The following ARHGAP26 variants were observed in gnomAD, a reference collection of about 807,000 sequenced individuals.
The protein encoded by ARHGAP26 is rho GTPase-activating protein 26.
In ARHGAP26, 38 loss-of-function variants were observed where a neutral mutation model predicts 104.8. The ratio of observed to expected loss-of-function variants is 0.36; its 90% CI spans 0.28 to 0.48. The LOEUF (loss-of-function observed/expected upper bound fraction) is 0.48. Ranked by LOEUF, ARHGAP26 falls within the 20% of genes least tolerant of loss-of-function variation. ARHGAP26 has a pLI of 0.99. For missense variants in ARHGAP26, 704 were observed against 947.9 expected (o/e 0.74, Z 3.38); for synonymous variants, 341 against 340.0 (o/e 1.00, Z -0.03).
chr5:143,056,558 A>G (rs1785847341), intron 16 of ARHGAP26, among the ~76,000 whole-genome samples: 1 of 152,034 alleles, frequency 6.6e-6, no homozygotes. Flanking sequence ...TATGTCTTCC[A>G]TTTACAGCTT....
chr5:143,203,327 A>G (rs920928195), intron 20 of ARHGAP26: 1 of 152,254 alleles, frequency 6.6e-6, no homozygotes, highest in African/African-American at 2.4e-5. Context: ...AAAAACACTC[A>G]TCATCACTGG....
At chr5:143,135,097 C>T (rs1176726461) in intron 19 of ARHGAP26, among the ~76,000 whole-genome samples, 1 of 152,218 alleles carries the variant, frequency 6.6e-6, no homozygotes, top group East Asian at 1.9e-4. Flanking sequence ...GTCAGCATCA[C>T]AGCTGCTTCA....
chr5:142,989,038 G>A (rs1479511596), intron 11 of ARHGAP26, among the ~76,000 whole-genome samples: 1 of 152,082 alleles, frequency 6.6e-6, no homozygotes, highest in Non-Finnish European at 1.5e-5. Flanking sequence ...TCAATTCCTG[G>A]ATATCCTTTT....
chr5:142,985,368 G>GTTTATAAAGTCTACAGTA, intron 11 of ARHGAP26, among the ~76,000 whole-genome samples: 1 of 152,120 alleles, frequency 6.6e-6, no homozygotes, highest in East Asian at 1.9e-4. Context: ...AGTGTACAGT[G>GTTTATAAAGTCTACAGTA]TTTATAAAGT....
At chr5:143,201,326 C>T (rs991730822) in intron 20 of ARHGAP26, among the ~76,000 whole-genome samples, 1 of 152,172 alleles carries the variant, frequency 6.6e-6, no homozygotes, top group South Asian at 2.1e-4. Context: ...TGTAGGAATG[C>T]CTTTAGCAGT....
At chr5:143,090,825 A>T (rs1791310887) in intron 17 of ARHGAP26, among the ~76,000 whole-genome samples, 1 of 152,204 alleles carries the variant, frequency 6.6e-6, no homozygotes. Context: ...ATTGGGGAGC[A>T]AGACTCCTGG....
At chr5:142,845,203 ACT>A (rs1274102701) in intron 1 of ARHGAP26, among the ~76,000 whole-genome samples, 1 of 151,366 alleles carries the variant, frequency 6.6e-6, no homozygotes, top group African/African-American at 2.4e-5. Flanking sequence ...AGCAGCAAAG[ACT>A]CTGGGATTTT....
At chr5:142,891,895 C>T (rs955137266) in intron 5 of ARHGAP26, among the ~76,000 whole-genome samples, 7 of 151,906 alleles carry the variant, frequency 4.6e-5, no homozygotes, top group African/African-American at 1.5e-4. Flanking sequence ...AATGATTTGA[C>T]ACACATTATG....
chr5:143,057,681 G>A lies in ARHGAP26; in HGVS notation c.1472G>A (p.Ser491Asn). 6.2e-7 allele frequency: 1 copy of A among 1,613,956 alleles called. No individual in the cohort carries two copies. The highest frequency in any genetic ancestry group is 8.5e-7 in the Non-Finnish European group (1 of 1,179,886). Residue 491 changes from serine to asparagine, a missense_variant, in exon 17 of 23, where the codon AGC becomes AAC. Ser to Asn is a conservative substitution (Grantham distance 46, BLOSUM62 1). Transcript: ENST00000645722. ...GAGTCTCGGGTCTCTGAAATCCACA[G>A]CCTTGTTCATCGGCTCCCAGAGAAA... The part of the protein sequence containing the change: ...NQESRVSEIH[S>N]LVHRLPEKNR...
Position 143,139,611 on chromosome 5 carries a change from C to G in ARHGAP26, c.1837+5506C>G, listed in dbSNP as rs545327945. Among the ~76,000 whole-genome samples the G allele has an allele frequency of 5.9e-5, 9 of 152,274 alleles. No homozygotes were observed. The South Asian group carries it at 1.7e-3, about 28-fold the overall frequency. On this transcript the variant is annotated intron_variant, in intron 19 of 22. Transcript: ENST00000645722. ...AGGCTGCAGCCACGTGACAGTCTCCCCTCCAAATCTAGCACCAACTACACA... is the reference window on the plus strand; with the variant it reads ...AGGCTGCAGCCACGTGACAGTCTCCGCTCCAAATCTAGCACCAACTACACA...
chr5:143,075,204 C>A (rs1185989997), intron 17 of ARHGAP26, among the ~76,000 whole-genome samples: 1 of 152,054 alleles, frequency 6.6e-6, no homozygotes, highest in African/African-American at 2.4e-5. Context: ...TTTAACATTT[C>A]AATTGCACAT....
intron 13 of ARHGAP26, among the ~76,000 whole-genome samples, chr5:143,038,528 G>A (rs148340977): frequency 1.7e-4 from 26 of 152,164 alleles, no homozygotes; most frequent in African/African-American, 6.3e-4. Context: ...GCCAGATTGA[G>A]CCATAAGGAT....
intron 6 of ARHGAP26, among the ~76,000 whole-genome samples, chr5:142,899,982 A>G (rs781742437): frequency 6.6e-6 from 1 of 152,214 alleles, no homozygotes; most frequent in East Asian, 1.9e-4. Context: ...AGGATAAATC[A>G]TAGTTAATAG....
intron 1 of ARHGAP26, among the ~76,000 whole-genome samples, chr5:142,789,574 A>G (rs1350772474): frequency 2.6e-5 from 4 of 152,166 alleles, no homozygotes; most frequent in Non-Finnish European, 5.9e-5. Flanking sequence ...TACTTCTTTG[A>G]GTCTAATGTA....
chr5:142,783,108 C>G (rs928477492), intron 1 of ARHGAP26, among the ~76,000 whole-genome samples: 1 of 152,220 alleles, frequency 6.6e-6, no homozygotes, highest in Non-Finnish European at 1.5e-5. Context: ...AAATCTGGTC[C>G]CCAAATCCTG....
At chr5:142,927,283 A>G (rs1357345942) in intron 10 of ARHGAP26, among the ~76,000 whole-genome samples, 1 of 151,836 alleles carries the variant, frequency 6.6e-6, no homozygotes, top group Non-Finnish European at 1.5e-5. Flanking sequence ...CTGTCACTCC[A>G]GGAGATACCC....
At position 142,871,216 on chromosome 5, in the gene ARHGAP26, G is replaced by A. The variant is rs1055174145; in HGVS notation, c.155-2184G>A. On this transcript the variant is annotated intron_variant, in intron 1 of 22. Transcript: ENST00000645722. The surrounding 1 kb of genome is among the most constrained non-coding windows in gnomAD (Gnocchi z 4.1). ...CTGTGCCAGTGGACAAGGAAATCAG[G>A]TCACCTGCTGGTCATAAGCTAACAG... Among the ~76,000 whole-genome samples, 2 of 152,162 alleles carry A rather than the reference G, an allele frequency of 1.3e-5. No individual in the cohort carries two copies. Among genetic ancestry groups the A allele is most frequent in the African/African-American group, 4.8e-5 (2 of 41,434 alleles).
intron 10 of ARHGAP26, among the ~76,000 whole-genome samples, chr5:142,928,215 CTT>C (rs933332835): frequency 2.1e-5 from 3 of 139,612 alleles, no homozygotes; most frequent in Admixed American, 6.9e-5. Flanking sequence ...ATGATTAGGA[CTT>C]TTTGTGTGTG....
chr5:142,923,421 A>G (rs1353495480), intron 10 of ARHGAP26, among the ~76,000 whole-genome samples: 1 of 152,250 alleles, frequency 6.6e-6, no homozygotes, highest in African/African-American at 2.4e-5. Context: ...TAAAAATGAA[A>G]AAAAAATACA....
Sources: gnomAD v4.1 joint callset for allele counts (sites outside exome capture counted in the v4.1 genomes callset) on GRCh38, gnomAD v4.1.1 for gene constraint, Gnocchi (gnomAD v3.1) non-coding constraint, MANE v1.5 for transcripts, NCBI Gene and HGNC (gene_info 2026-07-23, HGNC 2026-07-21) for gene names.